The following NOVA1 variants were observed in gnomAD, a reference collection of about 807,000 sequenced individuals.
NOVA1 encodes RNA-binding protein Nova-1.
A neutral mutation model predicts 38.0 loss-of-function variants in NOVA1; 7 were observed. The ratio of observed to expected loss-of-function variants is 0.18; its 90% CI spans 0.10 to 0.35. The LOEUF is 0.35. NOVA1 is among the 10% of genes least tolerant of loss of function. The pLI is 1.00. For missense variants in NOVA1, 460 were observed against 616.0 expected (o/e 0.75, Z 2.68); for synonymous variants, 270 against 232.5 (o/e 1.16, Z -1.47).
Position 26,444,864 on chromosome 14 carries a change from A to AAC in NOVA1, c.*3094_*3095insGT, listed in dbSNP as rs1881955298. On this transcript the variant is annotated 3_prime_UTR_variant, in exon 5 of 5. Coordinates refer to ENST00000539517, the MANE Select transcript of NOVA1 (RefSeq NM_002515.3). The stretch of plus-strand genomic sequence containing the variant: ...AAAAACAAACAAACAAACAAACAAA[A>AAC]AAAAAACAAAAAAACTGCAATGCAA... 1.3e-5 allele frequency: 2 copies of AAC among 151,610 alleles called. No individual in the cohort carries two copies. The highest frequency in any genetic ancestry group is 4.9e-5 in the African/African-American group (2 of 41,112). The allele number at this position is 151,610 out of a possible 1,614,324, so 9.4% of individuals were successfully genotyped here. A position where few individuals can be genotyped will look rare whatever the true frequency, so the allele number is the denominator to read the frequency against.
At chr14:26,556,554 GAAGAT>G (rs1341862420) in intron 2 of NOVA1, among the ~76,000 whole-genome samples, 9 of 152,050 alleles carry the variant, frequency 5.9e-5, no homozygotes, top group Admixed American at 2.6e-4. Context: ...ACAACTCCTA[GAAGAT>G]AACATAGGAT....
intron 4 of NOVA1, among the ~76,000 whole-genome samples, chr14:26,457,451 A>G (rs532988019): frequency 1.1e-4 from 17 of 152,262 alleles, no homozygotes; most frequent in Admixed American, 1.0e-3. Context: ...TTACAGGATT[A>G]TAATGGAGCT....
At chr14:26,470,481 T>C (rs770371399) in intron 4 of NOVA1, 1 of 1,555,856 alleles carries the variant, frequency 6.4e-7, no homozygotes, top group Non-Finnish European at 8.9e-7. Context: ...ATCCAGGAGA[T>C]ATTATGCTTC....
chr14:26,498,217 G>T (rs1240732359), intron 2 of NOVA1, among the ~76,000 whole-genome samples: 1 of 151,144 alleles, frequency 6.6e-6, no homozygotes, highest in African/African-American at 2.4e-5. Context: ...CCGCCACCAC[G>T]CCCAGTTAAT....
At chr14:26,483,564 G>T (rs1885632338) in intron 2 of NOVA1, among the ~76,000 whole-genome samples, 1 of 152,118 alleles carries the variant, frequency 6.6e-6, no homozygotes, top group Non-Finnish European at 1.5e-5. Flanking sequence ...TGATTTCAAT[G>T]ATCAACATTA....
At chr14:26,568,882 A>C (rs1892298212) in intron 2 of NOVA1, among the ~76,000 whole-genome samples, 1 of 152,166 alleles carries the variant, frequency 6.6e-6, no homozygotes, top group Non-Finnish European at 1.5e-5. Flanking sequence ...GGCAGGAAAA[A>C]ATTATCTGGG....
rs1047160197 is a variant in NOVA1, at chr14:26,447,837, G to A, written c.*122C>T. On this transcript the variant is annotated 3_prime_UTR_variant, in exon 5 of 5. Coordinates refer to ENST00000539517, the MANE Select transcript of NOVA1 (RefSeq NM_002515.3). ...ACATATACACATTGTCAACATAGTC[G>A]CATTCATTTGCATAATTATATATTA... 1.5e-5 allele frequency: 10 copies of A among 688,546 alleles called. No individual in the cohort carries two copies. Among genetic ancestry groups the A allele is most frequent in the Middle Eastern group, 4.1e-4 (1 of 2,466 alleles). The allele number at this position is 688,546 out of a possible 1,614,324, so 42.7% of individuals were successfully genotyped here.
rs71121888 is a variant in NOVA1, at chr14:26,542,733, C to CA, written c.280+52676dup. 5.2e-3 allele frequency among the ~76,000 whole-genome samples: 651 copies of CA among 125,870 alleles called. 3 individuals are homozygous for CA. Among genetic ancestry groups the CA allele is most frequent in the African/African-American group, 0.017 (589 of 35,060 alleles). 82.6% of individuals were successfully genotyped at this position (125,870 alleles called of 152,430 possible). A position where few individuals can be genotyped will look rare whatever the true frequency, so the allele number is the denominator to read the frequency against. On this transcript the variant is annotated intron_variant, in intron 2 of 4. Transcript: ENST00000539517. ...AAGGAAACAGAAAATTTTGTAATGGCAAAAAAAAAAAAAAAAAAGTAGTAA... is the reference window on the plus strand; with the variant it reads ...AAGGAAACAGAAAATTTTGTAATGGCAAAAAAAAAAAAAAAAAAAGTAGTAA...
At chr14:26,485,838 G>T (rs1885843693) in intron 2 of NOVA1, among the ~76,000 whole-genome samples, 2 of 152,040 alleles carry the variant, frequency 1.3e-5, no homozygotes, top group African/African-American at 4.8e-5. Context: ...TAAGTCATTT[G>T]GTTGGATGAG....
chr14:26,512,721 T>C (rs1289031133), intron 2 of NOVA1, among the ~76,000 whole-genome samples: 1 of 152,058 alleles, frequency 6.6e-6, no homozygotes, highest in Admixed American at 6.5e-5. Context: ...TTCTTCAAAT[T>C]GTGGCTTCAC....
At chr14:26,588,375 T>A (rs1196362908) in intron 2 of NOVA1, 1 of 151,488 alleles carries the variant, frequency 6.6e-6, no homozygotes, top group East Asian at 1.9e-4. Flanking sequence ...AAAAATGTTT[T>A]ATTTTCCACA....
intron 2 of NOVA1, among the ~76,000 whole-genome samples, chr14:26,592,028 A>G: frequency 6.6e-6 from 1 of 151,642 alleles, no homozygotes; most frequent in East Asian, 1.9e-4. Flanking sequence ...TGATGTAACG[A>G]ATACCATATA....
At position 26,448,306 on chromosome 14, in the gene NOVA1, C is replaced by G; in HGVS notation, c.1177G>C (p.Ala393Pro). 1 of 1,614,100 alleles carries G rather than the reference C, an allele frequency of 6.2e-7. No individual in the cohort carries two copies. Among genetic ancestry groups the G allele is most frequent in the Non-Finnish European group, 8.5e-7 (1 of 1,180,010 alleles). ...FALGSLAAAT[A>P]ATNGYFGAAS... The stretch of plus-strand genomic sequence containing the variant: ...GCTCCAAAATATCCATTGGTTGCAG[C>G]AGTAGCAGCAGCCAGGCTACCTAAT... Residue 393 changes from alanine (A) to proline (P), a missense_variant, in exon 5 of 5, where the codon GCT (alanine) becomes CCT (proline). Transcript: ENST00000539517. This position sits in a 1 kb window ranked among gnomAD's most constrained non-coding sequence, Gnocchi z 5.3.
At chr14:26,470,401 T>C (rs1287389262) in intron 4 of NOVA1, 13 of 1,508,920 alleles carry the variant, frequency 8.6e-6, no homozygotes, top group South Asian at 2.3e-5. Flanking sequence ...ATATGAAAGA[T>C]TGATGATTAC....
At chr14:26,491,635 G>A (rs1886358284) in intron 2 of NOVA1, among the ~76,000 whole-genome samples, 1 of 152,116 alleles carries the variant, frequency 6.6e-6, no homozygotes, top group Admixed American at 6.5e-5. Flanking sequence ...AATATGATAT[G>A]AGGAGGGTTC....
intron 2 of NOVA1, among the ~76,000 whole-genome samples, chr14:26,522,528 C>G (rs1253652054): frequency 5.3e-5 from 8 of 151,950 alleles, no homozygotes; most frequent in African/African-American, 1.9e-4. Context: ...CAAGTCTACA[C>G]AAAAAGCTAA....
chr14:26,537,430 T>C (rs1053038353), intron 2 of NOVA1, among the ~76,000 whole-genome samples: 1 of 152,124 alleles, frequency 6.6e-6, no homozygotes, highest in African/African-American at 2.4e-5. Flanking sequence ...TATTGGTAAA[T>C]GGAAGATCTC....
chr14:26,556,778 TCA>T (rs1891508417), intron 2 of NOVA1, among the ~76,000 whole-genome samples: 1 of 151,952 alleles, frequency 6.6e-6, no homozygotes, highest in Admixed American at 6.6e-5. Flanking sequence ...AAAAAAGCAC[TCA>T]CAATTCAACA....
chr14:26,588,588 A>C (rs992940356), intron 2 of NOVA1: 2 of 151,552 alleles, frequency 1.3e-5, no homozygotes. Context: ...TACTGAAAAT[A>C]TCTCAAAAAG....
Sources: gnomAD v4.1 joint callset for allele counts (sites outside exome capture counted in the v4.1 genomes callset) on GRCh38, gnomAD v4.1.1 for gene constraint, Gnocchi (gnomAD v3.1) non-coding constraint, MANE v1.5 for transcripts, NCBI Gene and HGNC (gene_info 2026-07-23, HGNC 2026-07-21) for gene names.